UBAC2: variants seen among roughly 807,000 people sequenced by gnomAD.
UBAC2 encodes ubiquitin-associated domain-containing protein 2.
In UBAC2, 26 loss-of-function variants were observed where a neutral mutation model predicts 44.0. That is an observed-to-expected ratio of 0.59 (90% CI 0.43 to 0.82). The LOEUF is 0.82. Among genes scored for constraint, UBAC2 ranks in the 40% least tolerant of loss-of-function variants. The pLI is 0.00. For missense variants in UBAC2, 329 were observed against 419.4 expected, an observed-to-expected ratio of 0.78 and a Z score of 1.88; for synonymous variants, 155 against 154.3, an observed-to-expected ratio of 1.00 and a Z score of -0.04.
chr13:99,338,626 A>G (rs546294990), intron 6 of UBAC2, among the ~76,000 whole-genome samples: 1 of 152,122 alleles, frequency 6.6e-6, no homozygotes, highest in African/African-American at 2.4e-5. Flanking sequence ...TTCTGTTTTC[A>G]TTTTCTTTGT....
At chr13:99,207,585 A>G (rs1566446260) in intron 1 of UBAC2, among the ~76,000 whole-genome samples, 1 of 152,254 alleles carries the variant, frequency 6.6e-6, no homozygotes, top group East Asian at 1.9e-4. Context: ...CCGTCCCGCT[A>G]TACCATTGAG....
intron 7 of UBAC2, among the ~76,000 whole-genome samples, chr13:99,366,738 C>T (rs987536167): frequency 6.6e-6 from 1 of 152,134 alleles, no homozygotes. Flanking sequence ...CCGCATCTTC[C>T]GAACTCAAAC....
rs373174545 is a variant in UBAC2 at position 99,295,697 on chromosome 13, C to A, written c.390-18400C>A. 4.3e-6 allele frequency: 7 copies of A among 1,614,106 alleles called. No homozygotes were observed. Among genetic ancestry groups the A allele is most frequent in the South Asian group, 1.1e-5 (1 of 91,070 alleles). On this transcript the variant is annotated intron_variant, in intron 4 of 8. Coordinates refer to ENST00000403766, the MANE Select transcript of UBAC2 (RefSeq NM_001144072.2). The surrounding 1 kb of genome is among the most constrained non-coding windows in gnomAD (Gnocchi z 4.1). The stretch of plus-strand genomic sequence containing the variant: ...TAGAATCCAGACAAATATGCACACG[C>A]CTTTTGCATGTTCAATCCTTTTTAT...
intron 4 of UBAC2, among the ~76,000 whole-genome samples, chr13:99,309,170 G>A (rs563912252): frequency 6.6e-6 from 1 of 152,150 alleles, no homozygotes; most frequent in East Asian, 1.9e-4. Flanking sequence ...GAGTGCAGGG[G>A]TGTGCTGTCG....
chr13:99,248,204 G>T (rs1166686442), intron 4 of UBAC2, among the ~76,000 whole-genome samples: 1 of 152,000 alleles, frequency 6.6e-6, no homozygotes, highest in Non-Finnish European at 1.5e-5. Flanking sequence ...GATATTTCTT[G>T]AGTCTTATTT....
chr13:99,275,589 G>A (rs541381940), intron 4 of UBAC2, among the ~76,000 whole-genome samples: 6 of 151,716 alleles, frequency 4.0e-5, no homozygotes, highest in Non-Finnish European at 5.9e-5. Flanking sequence ...TTGTGGATGC[G>A]ATATTTTTTA....
intron 6 of UBAC2, among the ~76,000 whole-genome samples, chr13:99,322,676 A>G (rs7333266): frequency 0.021 from 3,202 of 151,946 alleles, 110 homozygotes; most frequent in African/African-American, 0.066. Flanking sequence ...CTTAGTGTGG[A>G]AAAAAAACAA....
At chr13:99,203,830 A>G (rs1453192235) in intron 1 of UBAC2, among the ~76,000 whole-genome samples, 7 of 152,262 alleles carry the variant, frequency 4.6e-5, no homozygotes, top group Non-Finnish European at 1.0e-4. Context: ...AGCAAGCCAT[A>G]TCAGAGTTTG....
chr13:99,300,047 GC>G (rs2044235800), intron 4 of UBAC2, among the ~76,000 whole-genome samples: 1 of 152,168 alleles, frequency 6.6e-6, no homozygotes, highest in African/African-American at 2.4e-5. Flanking sequence ...GGCTCTAAGG[GC>G]CATCCTCAAC....
chr13:99,364,495 G>C (rs1327057130), intron 7 of UBAC2, among the ~76,000 whole-genome samples: 1 of 151,768 alleles, frequency 6.6e-6, no homozygotes, highest in Non-Finnish European at 1.5e-5. Context: ...GCCTTGTCTA[G>C]TTTTGGAAAC....
Position 99,295,345 on chromosome 13 carries a change from A to T in UBAC2, c.390-18752A>T, listed in dbSNP as rs144820165. The T allele has an allele frequency of 3.5e-5, 57 of 1,614,144 alleles. No individual in the cohort carries two copies. In the African/African-American group the frequency reaches 6.3e-4, roughly 18 times the overall value. ...TAGAGAAACGAAGCTTCTTAATCAT[A>T]TGTTGAATAATTGCAACATGGTAAG... On this transcript the variant is annotated intron_variant, in intron 4 of 8. Transcript: ENST00000403766. The surrounding 1 kb of genome is among the most constrained non-coding windows in gnomAD (Gnocchi z 4.1).
chr13:99,267,205 C>G (rs116429797), intron 4 of UBAC2, among the ~76,000 whole-genome samples: 1 of 152,104 alleles, frequency 6.6e-6, no homozygotes, highest in Non-Finnish European at 1.5e-5. Context: ...AAGTTCTTTG[C>G]CCATTTGTTA....
intron 8 of UBAC2, chr13:99,377,561 A>G (rs1467481043): frequency 6.6e-6 from 1 of 152,228 alleles, no homozygotes; most frequent in Non-Finnish European, 1.5e-5. Context: ...AGATGGGCTG[A>G]CCATCTATAA....
At position 99,295,840 on chromosome 13, in the gene UBAC2, G is replaced by T; in HGVS notation, c.390-18257G>T. On this transcript the variant is annotated intron_variant, in intron 4 of 8. Coordinates refer to ENST00000403766, the MANE Select transcript of UBAC2 (RefSeq NM_001144072.2). The surrounding 1 kb of genome is among the most constrained non-coding windows in gnomAD (Gnocchi z 4.1). Reference sequence around the variant, plus strand: ...ACACTAGCGCAGTTATCCTACACAAGGCATCTCCGATTCTCCAGTCAAAGC... The same window carrying T: ...ACACTAGCGCAGTTATCCTACACAATGCATCTCCGATTCTCCAGTCAAAGC... 1.9e-6 allele frequency: 3 copies of T among 1,606,088 alleles called. No individual in the cohort carries two copies. Among genetic ancestry groups the T allele is most frequent in the Middle Eastern group, 1.7e-4 (1 of 6,018 alleles).
At chr13:99,314,259 GATCTTT>G in intron 5 of UBAC2, 39 bp downstream of exon 5, 1 of 1,063,198 alleles carries the variant, frequency 9.4e-7, no homozygotes, top group Non-Finnish European at 1.3e-6. Flanking sequence ...TCTTTAACCA[GATCTTT>G]TTTTTTTTTT....
intron 7 of UBAC2, among the ~76,000 whole-genome samples, chr13:99,360,520 A>G (rs185469454): frequency 6.6e-6 from 1 of 152,340 alleles, no homozygotes; most frequent in Admixed American, 6.5e-5. Flanking sequence ...TTCTGGCTCT[A>G]GAGACTGTTC....
intron 7 of UBAC2, among the ~76,000 whole-genome samples, chr13:99,341,454 G>T (rs2044887197): frequency 6.6e-6 from 1 of 152,126 alleles, no homozygotes; most frequent in Admixed American, 6.5e-5. Flanking sequence ...ATTAGGGGCA[G>T]AGTCTACAAG....
In UBAC2 at chr13:99,385,778, T is replaced by C. The variant is rs2296045; in HGVS notation, c.*443T>C. ...TCTTCATGGACTTTTTTAGTTACTG[T>C]TTTTTCTCTCAAACTTGTTTTCGAA... On this transcript the variant is annotated 3_prime_UTR_variant, in exon 9 of 9. Coordinates refer to ENST00000403766, the MANE Select transcript of UBAC2 (RefSeq NM_001144072.2). 81 of 163,664 alleles carry C rather than the reference T, an allele frequency of 4.9e-4. 3 individuals carry two copies. The East Asian group carries it at 0.013, about 27-fold the overall frequency. 10.1% of individuals were successfully genotyped at this position (163,664 alleles called of 1,614,324 possible). A position where few individuals can be genotyped will look rare whatever the true frequency, so the allele number is the denominator to read the frequency against.
chr13:99,275,063 C>T (rs1323075226), intron 4 of UBAC2, among the ~76,000 whole-genome samples: 1 of 152,174 alleles, frequency 6.6e-6, no homozygotes, highest in Non-Finnish European at 1.5e-5. Context: ...GTATGCATTT[C>T]TGCTGGGTAT....
Sources: allele counts gnomAD v4.1 joint callset (sites outside exome capture counted in the v4.1 genomes callset), GRCh38; gene constraint gnomAD v4.1.1; non-coding constraint Gnocchi (gnomAD v3.1); transcripts MANE v1.5; gene names NCBI Gene and HGNC (gene_info 2026-07-23, HGNC 2026-07-21).